The following FARP2 variants were observed in gnomAD, a reference collection of about 807,000 sequenced individuals.
The protein encoded by FARP2 is FERM, ARH/RhoGEF and pleckstrin domain protein 2, also known as FERM, ARHGEF and pleckstrin domain-containing protein 2.
FARP2 carries 111 observed loss-of-function variants against 130.5 expected under a neutral mutation model. The ratio of observed to expected loss-of-function variants is 0.85; its 90% CI spans 0.73 to 1.00. The LOEUF is 1.00. FARP2 is among the 50% of genes least tolerant of loss of function. The probability of loss-of-function intolerance (pLI) is 0.00; values close to 1 mark genes in which losing one functional copy is unlikely to be tolerated. For missense variants in FARP2, 1,385 were observed against 1,346.3 expected (o/e 1.03, Z -0.45); for synonymous variants, 504 against 516.9 (o/e 0.98, Z 0.34).
At position 241,475,845 on chromosome 2, in the gene FARP2, C is replaced by G. The variant is rs1378667641; in HGVS notation, c.2132-12C>G. On this transcript the variant is annotated splice_polypyrimidine_tract_variant and intron_variant, in intron 18 of 26. Transcript: ENST00000264042. The surrounding 1 kb of genome is among the most constrained non-coding windows in gnomAD (Gnocchi z 4.4). ...TGCCTGTACACCTGTACTGAGGGGT[C>G]TCTCCACACAGACGCCCTGAAAGCC... 1 of 1,607,254 alleles carries G rather than the reference C, an allele frequency of 6.2e-7. No individual in the cohort carries two copies. The highest frequency in any genetic ancestry group is 8.5e-7 in the Non-Finnish European group (1 of 1,176,766).
At chr2:241,406,051 C>G (rs898164244) in intron 4 of FARP2, among the ~76,000 whole-genome samples, 2 of 152,052 alleles carry the variant, frequency 1.3e-5, no homozygotes, top group Admixed American at 6.5e-5. Context: ...CGCCTGTAAT[C>G]CCAGCACTTT....
intron 2 of FARP2, among the ~76,000 whole-genome samples, chr2:241,390,921 G>A (rs967306800): frequency 1.3e-5 from 2 of 152,052 alleles, no homozygotes. Flanking sequence ...GGTCTTATTG[G>A]CCTTTTTTAA....
chr2:241,441,595 G>C, intron 13 of FARP2, 39 bp downstream of exon 13: 2 of 1,613,708 alleles, frequency 1.2e-6, no homozygotes, highest in Non-Finnish European at 1.7e-6. Context: ...CTGTGGTTCT[G>C]TCTGTGCTGG....
At chr2:241,389,032 G>A (rs1162965788) in intron 2 of FARP2, among the ~76,000 whole-genome samples, 1 of 152,128 alleles carries the variant, frequency 6.6e-6, no homozygotes, top group Non-Finnish European at 1.5e-5. Context: ...TGTAATCCCA[G>A]CCCTTTGGGA....
At chr2:241,412,516 T>G (rs2062546623) in intron 6 of FARP2, among the ~76,000 whole-genome samples, 2 of 152,202 alleles carry the variant, frequency 1.3e-5, no homozygotes, top group South Asian at 4.1e-4. Context: ...TGAGATTGTC[T>G]AAAAATAAAA....
intron 13 of FARP2, among the ~76,000 whole-genome samples, chr2:241,453,769 G>GTTTTTTTTT (rs1180224982): frequency 3.7e-5 from 2 of 54,054 alleles, no homozygotes; most frequent in East Asian, 6.5e-4. Context: ...GCACTTACTG[G>GTTTTTTTTT]TTTTTTTTTT....
intron 21 of FARP2, among the ~76,000 whole-genome samples, chr2:241,486,577 C>T (rs1478387781): frequency 6.6e-6 from 1 of 151,994 alleles, no homozygotes; most frequent in Admixed American, 6.6e-5. Flanking sequence ...TTGCCATCAC[C>T]CACGGGCTGT....
chr2:241,468,589 C>CT (rs978406135), intron 18 of FARP2, among the ~76,000 whole-genome samples: 1 of 152,266 alleles, frequency 6.6e-6, no homozygotes, highest in East Asian at 1.9e-4. Context: ...CACCAGGTCT[C>CT]TGTCTATTCT....
chr2:241,458,995 G>A (rs960216805), intron 14 of FARP2, among the ~76,000 whole-genome samples: 5 of 152,244 alleles, frequency 3.3e-5, no homozygotes, highest in Non-Finnish European at 7.3e-5. Context: ...CAGCCCCTGC[G>A]TGTGGGCACC....
chr2:241,491,913 C>T (rs112024891), intron 24 of FARP2, among the ~76,000 whole-genome samples: 12 of 152,280 alleles, frequency 7.9e-5, no homozygotes, highest in African/African-American at 2.9e-4. Context: ...GCAGGCGGGG[C>T]GTGTCCTCAG....
intron 19 of FARP2, among the ~76,000 whole-genome samples, chr2:241,477,312 C>G (rs1574900182): frequency 6.6e-6 from 1 of 151,888 alleles, no homozygotes; most frequent in South Asian, 2.1e-4. Context: ...GTATTTTTAG[C>G]AGAGACAGGG....
intron 14 of FARP2, among the ~76,000 whole-genome samples, chr2:241,458,897 G>A (rs539598754): frequency 6.6e-6 from 1 of 152,372 alleles, no homozygotes; most frequent in African/African-American, 2.4e-5. Context: ...CCTCTGGGAT[G>A]GGGGCACCTC....
chr2:241,485,702 G>A (rs2064736155), intron 21 of FARP2, among the ~76,000 whole-genome samples: 1 of 148,002 alleles, frequency 6.8e-6, no homozygotes, highest in African/African-American at 2.5e-5. Flanking sequence ...CCCTCCCTGG[G>A]GTCCTCCTTC....
At chr2:241,427,911 C>T (rs1000184994) in intron 8 of FARP2, among the ~76,000 whole-genome samples, 42 of 152,072 alleles carry the variant, frequency 2.8e-4, no homozygotes, top group African/African-American at 9.6e-4. Context: ...GACTTAGAGG[C>T]GCCTGCCACC....
chr2:241,471,731 G>A (rs1355868329), intron 18 of FARP2, among the ~76,000 whole-genome samples: 26 of 152,058 alleles, frequency 1.7e-4, no homozygotes, highest in East Asian at 3.9e-4. Context: ...TCCTGACCTC[G>A]TGATCCGCCC....
intron 4 of FARP2, chr2:241,405,407 G>T (rs1189071861): frequency 1.3e-5 from 2 of 152,102 alleles, no homozygotes; most frequent in Non-Finnish European, 2.9e-5. Context: ...ACTAAGGCAT[G>T]TAGTAGCACT....
chr2:241,422,260 CAAAAAA>C (rs1198628886), intron 8 of FARP2, among the ~76,000 whole-genome samples: 1 of 91,978 alleles, frequency 1.1e-5, no homozygotes, highest in Non-Finnish European at 2.2e-5. Context: ...ACTAAAAATA[CAAAAAA>C]AAAAAAAAAA....
intron 14 of FARP2, among the ~76,000 whole-genome samples, chr2:241,461,221 C>T (rs2064008082): frequency 6.6e-6 from 1 of 152,194 alleles, no homozygotes; most frequent in South Asian, 2.1e-4. Context: ...CCAACCCTCA[C>T]ACCTTACCTC....
chr2:241,456,813 C>T lies in FARP2; in HGVS notation c.1478C>T (p.Ala493Val), dbSNP rs547260718. The T allele has an allele frequency of 4.8e-5, 77 of 1,614,120 alleles. 2 individuals carry two copies. In the South Asian group the frequency reaches 7.8e-4, roughly 16 times the overall value. Reference protein sequence around the residue: ...SRKSPLSLSPAFQVPLGPAEQ... With the variant: ...SRKSPLSLSPVFQVPLGPAEQ... ...AAGAGCCCCCTGAGTCTGAGCCCTG[C>T]ATTTCAGGTGCCTTTGGGCCCAGCT... The change falls in exon 14 of 27, where the codon GCA becomes GTA. Residue 493 changes from alanine (A) to valine (V), a missense_variant. Coordinates refer to ENST00000264042, the MANE Select transcript of FARP2 (RefSeq NM_014808.4).
Sources: allele counts gnomAD v4.1 joint callset (sites outside exome capture counted in the v4.1 genomes callset), GRCh38; gene constraint gnomAD v4.1.1; non-coding constraint Gnocchi (gnomAD v3.1); transcripts MANE v1.5; gene names NCBI Gene and HGNC (gene_info 2026-07-23, HGNC 2026-07-21).